The following INO80D variants were observed in gnomAD, a reference collection of about 807,000 sequenced individuals.
The protein encoded by INO80D is INO80 complex subunit D.
Under a neutral mutation model 87.6 loss-of-function variants are expected in INO80D, and 21 were observed. The observed-to-expected ratio is 0.24, with a 90% CI of 0.17 to 0.35. The LOEUF is 0.35. Among genes scored for constraint, INO80D ranks in the 10% least tolerant of loss-of-function variants. INO80D has a pLI of 1.00. For synonymous variants in INO80D, 440 were observed against 491.0 expected (o/e 0.90, Z 1.37); for missense variants, 982 against 1,280.7 (o/e 0.77, Z 3.56).
chr2:206,025,904 A>T (rs879660120), intron 6 of INO80D, among the ~76,000 whole-genome samples: 10 of 147,700 alleles, frequency 6.8e-5, no homozygotes, highest in Non-Finnish European at 1.1e-4. Context: ...ATGTTTTGAA[A>T]TTTTTTTTTT....
chr2:206,063,097 A>C, intron 2 of INO80D, 52 bp from the exon 3 acceptor site: 1 of 966,092 alleles, frequency 1.0e-6, no homozygotes, highest in Non-Finnish European at 1.6e-6. Flanking sequence ...AGAGAGTATA[A>C]GGCAGATTTA....
chr2:206,018,119 T>TA (rs1179955163), intron 7 of INO80D, among the ~76,000 whole-genome samples: 5 of 152,184 alleles, frequency 3.3e-5, no homozygotes, highest in Non-Finnish European at 7.3e-5. Flanking sequence ...GAACTCCACT[T>TA]AAAGTTCCAC....
Position 206,068,835 on chromosome 2 carries a change from G to A in INO80D, c.-123-5591C>T, listed in dbSNP as rs530928635. 1.7e-3 allele frequency among the ~76,000 whole-genome samples: 259 copies of A among 152,046 alleles called. 1 individual carries two copies. Among genetic ancestry groups the A allele is most frequent in the African/African-American group, 5.7e-3 (238 of 41,478 alleles). Reference sequence around the variant, plus strand: ...CCACCTCAGCCTCCTGAGTAGCTGCGACTAAAGGCACATACCACTACACAG... The same window carrying A: ...CCACCTCAGCCTCCTGAGTAGCTGCAACTAAAGGCACATACCACTACACAG... On this transcript the variant is annotated intron_variant, in intron 1 of 10. Coordinates refer to ENST00000403263, the MANE Select transcript of INO80D (RefSeq NM_017759.5).
At chr2:206,084,926 G>A (rs1444252944) in intron 1 of INO80D, among the ~76,000 whole-genome samples, 2 of 152,160 alleles carry the variant, frequency 1.3e-5, no homozygotes, top group Non-Finnish European at 2.9e-5. Flanking sequence ...TTCCAAACCG[G>A]AAGAGAAGGC....
intron 4 of INO80D, among the ~76,000 whole-genome samples, chr2:206,050,696 C>T (rs1052448429): frequency 1.3e-5 from 2 of 151,888 alleles, no homozygotes; most frequent in African/African-American, 4.8e-5. Context: ...TCGCCGGGCG[C>T]GGTGGCTCAC....
At chr2:206,080,503 A>AGTC (rs1475942129) in intron 1 of INO80D, among the ~76,000 whole-genome samples, 3 of 152,348 alleles carry the variant, frequency 2.0e-5, no homozygotes, top group African/African-American at 7.2e-5. Context: ...TGGCAAAAAT[A>AGTC]TATTTATTTG....
chr2:206,011,078 CA>C (rs5838007), intron 8 of INO80D, among the ~76,000 whole-genome samples: 34,267 of 95,612 alleles, frequency 0.36, 4,239 homozygotes, highest in Admixed American at 0.43. Flanking sequence ...AACTCAGTCT[CA>C]AAAAAAAAAA....
chr2:206,041,311 A>G (rs1463092851), intron 5 of INO80D, among the ~76,000 whole-genome samples: 1 of 152,224 alleles, frequency 6.6e-6, no homozygotes, highest in Non-Finnish European at 1.5e-5. Context: ...ATACATTGCC[A>G]GTAAGAAACT....
chr2:206,013,335 T>G (rs531894036), intron 8 of INO80D, among the ~76,000 whole-genome samples: 1 of 151,760 alleles, frequency 6.6e-6, no homozygotes, highest in Non-Finnish European at 1.5e-5. Flanking sequence ...GGGCGGATCA[T>G]GAGGTCAGGA....
At chr2:206,025,281 A>G (rs1183530539) in intron 6 of INO80D, among the ~76,000 whole-genome samples, 1 of 151,178 alleles carries the variant, frequency 6.6e-6, no homozygotes, top group Non-Finnish European at 1.5e-5. Flanking sequence ...TAATCCCAGC[A>G]CTTTGGGAGG....
intron 5 of INO80D, among the ~76,000 whole-genome samples, chr2:206,045,390 T>C (rs1161430973): frequency 6.6e-6 from 1 of 152,214 alleles, no homozygotes; most frequent in Non-Finnish European, 1.5e-5. Flanking sequence ...GATCTCCCTC[T>C]ACATTGCTGA....
rs183530546 is a variant in INO80D at position 206,010,918 on chromosome 2, A to G, written c.1543-1124T>C. ...CATGGCGAAACTCCATCTCTAATAA[A>G]AATACAAAAATTAGCCAGGCCTGGT... On this transcript the variant is annotated intron_variant, in intron 8 of 10. Coordinates refer to ENST00000403263, the MANE Select transcript of INO80D (RefSeq NM_017759.5). 2.0e-3 allele frequency among the ~76,000 whole-genome samples: 311 copies of G among 152,104 alleles called. 2 individuals carry two copies. The highest frequency in any genetic ancestry group is 2.9e-3 in the Non-Finnish European group (194 of 67,984).
chr2:206,014,009 A>T (rs1317097643), intron 8 of INO80D, among the ~76,000 whole-genome samples: 1 of 151,956 alleles, frequency 6.6e-6, no homozygotes, highest in African/African-American at 2.4e-5. Flanking sequence ...AAAAAACAAA[A>T]ATTAGGCAGC....
chr2:206,034,558 A>C (rs2105844430), intron 5 of INO80D, among the ~76,000 whole-genome samples: 1 of 152,312 alleles, frequency 6.6e-6, no homozygotes, highest in African/African-American at 2.4e-5. Flanking sequence ...TTATGATTAA[A>C]ACTTTCAGCA....
intron 1 of INO80D, among the ~76,000 whole-genome samples, chr2:206,080,956 GAAAAGTTATGCACCAGA>G (rs1322680673): frequency 4.1e-5 from 4 of 97,792 alleles, no homozygotes; most frequent in African/African-American, 1.2e-4. Context: ...GAAAAAAATA[GAAAAGTTATGCACCAGA>G]AAAAGTTATG....
Position 206,085,583 on chromosome 2 carries a change from C to G in INO80D, c.-124+318G>C, listed in dbSNP as rs1188388332. On this transcript the variant is annotated intron_variant, in intron 1 of 10. Transcript: ENST00000403263. This position sits in a 1 kb window ranked among gnomAD's most constrained non-coding sequence, Gnocchi z 4.5. The stretch of plus-strand genomic sequence containing the variant: ...TGGGGCCTACCGGCCCGAGGCCTAC[C>G]GGCGCCCCCCCCTCCCGCCGCACAC... 3 of 149,300 alleles carry G rather than the reference C, an allele frequency of 2.0e-5. No individual in the cohort carries two copies. Among genetic ancestry groups the G allele is most frequent in the Admixed American group, 2.0e-4 (3 of 15,024 alleles). The allele number at this position is 149,300 out of a possible 1,614,324, so 9.2% of individuals were successfully genotyped here. A position where few individuals can be genotyped will look rare whatever the true frequency, so the allele number is the denominator to read the frequency against.
intron 5 of INO80D, among the ~76,000 whole-genome samples, chr2:206,033,321 T>C (rs561961181): frequency 2.0e-5 from 3 of 152,278 alleles, no homozygotes; most frequent in South Asian, 4.1e-4. Context: ...TTCTCCAAGA[T>C]AGACCATATG....
intron 4 of INO80D, among the ~76,000 whole-genome samples, chr2:206,050,793 C>T (rs1034934997): frequency 1.4e-4 from 21 of 151,918 alleles, no homozygotes; most frequent in South Asian, 2.1e-4. Flanking sequence ...ACGGTGAAAC[C>T]CCCGTCTCTA....
intron 1 of INO80D, among the ~76,000 whole-genome samples, chr2:206,073,199 G>A (rs920144508): frequency 6.6e-6 from 1 of 152,080 alleles, no homozygotes; most frequent in African/African-American, 2.4e-5. Context: ...ACTGGAAACA[G>A]ATCAATATCT....
Sources: gnomAD v4.1 joint callset for allele counts (sites outside exome capture counted in the v4.1 genomes callset) on GRCh38, gnomAD v4.1.1 for gene constraint, Gnocchi (gnomAD v3.1) non-coding constraint, MANE v1.5 for transcripts, NCBI Gene and HGNC (gene_info 2026-07-23, HGNC 2026-07-21) for gene names.